SBF2: variants seen among roughly 807,000 people sequenced by gnomAD.
The protein encoded by SBF2 is SET binding factor 2.
In SBF2, 112 loss-of-function variants were observed where a neutral mutation model predicts 225.2. The observed-to-expected ratio is 0.50, with a 90% CI of 0.43 to 0.58. The LOEUF is 0.58. SBF2 is among the 20% of genes least tolerant of loss of function. The pLI is 0.00. For missense variants in SBF2, 1,996 were observed against 2,206.2 expected (o/e 0.90, Z 1.91); for synonymous variants, 763 against 773.3 (o/e 0.99, Z 0.22).
intron 2 of SBF2, among the ~76,000 whole-genome samples, chr11:10,121,189 C>T (rs75038787): frequency 6.6e-6 from 1 of 152,298 alleles, no homozygotes; most frequent in African/African-American, 2.4e-5. Flanking sequence ...CACATAATAA[C>T]ATCCAGTCAG....
chr11:10,062,303 C>A (rs953158555), intron 2 of SBF2, among the ~76,000 whole-genome samples: 1 of 152,148 alleles, frequency 6.6e-6, no homozygotes, highest in East Asian at 1.9e-4. Flanking sequence ...GACGAAGTCA[C>A]CAAAACCAAT....
At chr11:10,131,603 T>C (rs1170269273) in intron 2 of SBF2, among the ~76,000 whole-genome samples, 1 of 152,056 alleles carries the variant, frequency 6.6e-6, no homozygotes, top group African/African-American at 2.4e-5. Flanking sequence ...CTGGCTAATT[T>C]TTGTATTTTT....
At chr11:9,805,480 T>C (rs1853761704) in intron 32 of SBF2, among the ~76,000 whole-genome samples, 1 of 152,162 alleles carries the variant, frequency 6.6e-6, no homozygotes, top group South Asian at 2.1e-4. Context: ...AAATCGGATA[T>C]GTGGAAGGGT....
chr11:10,186,812 G>A (rs1202080365), intron 2 of SBF2, among the ~76,000 whole-genome samples: 3 of 152,158 alleles, frequency 2.0e-5, no homozygotes, highest in African/African-American at 7.2e-5. Context: ...ATAAAACACA[G>A]TAAATCACAA....
At chr11:10,029,170 G>A (rs891561458) in intron 5 of SBF2, among the ~76,000 whole-genome samples, 3 of 152,048 alleles carry the variant, frequency 2.0e-5, no homozygotes, top group African/African-American at 4.8e-5. Flanking sequence ...CATTTTTAAG[G>A]TTTAAGGAAA....
chr11:9,882,542 C>T (rs1316654643), intron 17 of SBF2, among the ~76,000 whole-genome samples: 17 of 152,156 alleles, frequency 1.1e-4, no homozygotes, highest in Admixed American at 8.5e-4. Context: ...GGCATGGTGG[C>T]TCATGTCTGT....
intron 17 of SBF2, among the ~76,000 whole-genome samples, chr11:9,863,428 T>C (rs1303121881): frequency 3.9e-5 from 6 of 152,202 alleles, no homozygotes; most frequent in Non-Finnish European, 8.8e-5. Context: ...TGTAATGGTC[T>C]TAAAGAATAA....
chr11:10,005,659 G>C (rs1948157437), intron 6 of SBF2, among the ~76,000 whole-genome samples: 1 of 152,094 alleles, frequency 6.6e-6, no homozygotes. Context: ...TGGATTTGCT[G>C]TCGGTAACAT....
At chr11:9,813,787 C>T (rs1854317966) in intron 29 of SBF2, among the ~76,000 whole-genome samples, 1 of 151,916 alleles carries the variant, frequency 6.6e-6, no homozygotes, top group South Asian at 2.1e-4. Flanking sequence ...ACTAAAAATA[C>T]AAAAAGTAGC....
chr11:9,834,432 C>T (rs1855611351), intron 26 of SBF2, among the ~76,000 whole-genome samples: 1 of 152,176 alleles, frequency 6.6e-6, no homozygotes, highest in African/African-American at 2.4e-5. Context: ...ATGCAACTAC[C>T]ACCACTATCC....
chr11:9,885,251 CAAAAAAAAA>C (rs71453937), intron 17 of SBF2, among the ~76,000 whole-genome samples: 8 of 38,284 alleles, frequency 2.1e-4, no homozygotes, highest in South Asian at 1.7e-3. Flanking sequence ...ACTTTTCCTC[CAAAAAAAAA>C]AAAAAAAAAA....
At chr11:10,182,549 C>CT (rs1207292476) in intron 2 of SBF2, among the ~76,000 whole-genome samples, 2 of 151,338 alleles carry the variant, frequency 1.3e-5, no homozygotes, top group Middle Eastern at 3.4e-3. Flanking sequence ...AATCACCTGA[C>CT]TTTTTTTTTG....
In SBF2 at chr11:9,784,494, A is replaced by G. The variant is rs111540273; in HGVS notation, c.5232-56T>C. On this transcript the variant is annotated intron_variant, in intron 37 of 39. Coordinates refer to ENST00000256190, the MANE Select transcript of SBF2 (RefSeq NM_030962.4). ...TTGATTTACACTTACAAAATGCTGT[A>G]AAGGGGAGGGGATATCTGTTGTTTT... 5.9e-5 allele frequency: 78 copies of G among 1,316,576 alleles called. No homozygotes were observed. In the African/African-American group the frequency reaches 1.0e-3, roughly 18 times the overall value. The allele number at this position is 1,316,576 out of a possible 1,614,324, so 81.6% of individuals were successfully genotyped here.
chr11:9,832,627 G>A (rs1329491470), intron 26 of SBF2, among the ~76,000 whole-genome samples: 4 of 152,070 alleles, frequency 2.6e-5, no homozygotes, highest in Non-Finnish European at 5.9e-5. Context: ...TTTTTGTAGA[G>A]ACAGGGTCTC....
intron 1 of SBF2, among the ~76,000 whole-genome samples, chr11:10,259,807 G>C (rs1961255023): frequency 6.6e-6 from 1 of 151,818 alleles, no homozygotes; most frequent in South Asian, 2.1e-4. Flanking sequence ...TTTTTATTTT[G>C]AGATTATTAT....
intron 17 of SBF2, among the ~76,000 whole-genome samples, chr11:9,881,764 G>A (rs565821851): frequency 1.3e-5 from 2 of 151,884 alleles, no homozygotes; most frequent in African/African-American, 2.4e-5. Context: ...AAATAAAGTT[G>A]ATTTTGTAAG....
chr11:10,001,738 G>A lies in SBF2; in HGVS notation c.753-716C>T, dbSNP rs187059237. Among the ~76,000 whole-genome samples, 606 of 152,106 alleles carry A rather than the reference G, an allele frequency of 4.0e-3. 3 individuals carry two copies. The highest frequency in any genetic ancestry group is 0.027 in the Middle Eastern group (8 of 294). On this transcript the variant is annotated intron_variant, in intron 7 of 39. Transcript: ENST00000256190. ...AGACGGGGTTTCACCGTGTTAGCCA[G>A]GATGGTATGGATCTCTTGACCTCGT...
At chr11:9,831,298 C>T (rs1855383696) in intron 27 of SBF2, among the ~76,000 whole-genome samples, 1 of 152,186 alleles carries the variant, frequency 6.6e-6, no homozygotes, top group African/African-American at 2.4e-5. Context: ...TGCACCTGGC[C>T]CCTTCTTATG....
rs1324145417 is a variant in SBF2 at position 9,785,420 on chromosome 11, T to G, written c.5038-102A>C. ...ATTTATCTCAAGGAAAAAACTGGACTAATAAGCAACAATAATGTACAAAGG... is the reference window on the plus strand; with the variant it reads ...ATTTATCTCAAGGAAAAAACTGGACGAATAAGCAACAATAATGTACAAAGG... On this transcript the variant is annotated intron_variant, in intron 36 of 39. Coordinates refer to ENST00000256190, the MANE Select transcript of SBF2 (RefSeq NM_030962.4). The G allele has an allele frequency of 6.3e-6, 6 of 950,930 alleles. No individual in the cohort carries two copies. The African/African-American group carries it at 8.1e-5, about 13-fold the overall frequency. 58.9% of individuals were successfully genotyped at this position (950,930 alleles called of 1,614,324 possible). A position where few individuals can be genotyped will look rare whatever the true frequency, so the allele number is the denominator to read the frequency against.
Sources: allele counts gnomAD v4.1 joint callset (sites outside exome capture counted in the v4.1 genomes callset), GRCh38; gene constraint gnomAD v4.1.1; transcripts MANE v1.5; gene names NCBI Gene and HGNC (gene_info 2026-07-23, HGNC 2026-07-21).